ELAPOR2: variants seen among roughly 807,000 people sequenced by gnomAD.
The protein encoded by ELAPOR2 is endosome/lysosome-associated apoptosis and autophagy regulator family member 2.
A neutral mutation model predicts 120.7 loss-of-function variants in ELAPOR2; 89 were observed. That is an observed-to-expected ratio of 0.74 (90% confidence interval 0.62 to 0.88). The LOEUF (loss-of-function observed/expected upper bound fraction) is 0.88, where lower values mean the gene tolerates loss of function less well. Among genes scored for constraint, ELAPOR2 ranks in the 40% least tolerant of loss-of-function variants. The probability of loss-of-function intolerance (pLI) is 0.00; values close to 1 mark genes in which losing one functional copy is unlikely to be tolerated. For missense variants in ELAPOR2, 1,134 were observed against 1,251.6 expected, an observed-to-expected ratio of 0.91 and a Z score of 1.42; for synonymous variants, 444 against 444.9, an observed-to-expected ratio of 1.00 and a Z score of 0.03.
At chr7:86,903,972 G>A (rs1168541496) in intron 18 of ELAPOR2, among the ~76,000 whole-genome samples, 4 of 152,136 alleles carry the variant, frequency 2.6e-5, no homozygotes, top group Non-Finnish European at 5.9e-5. Context: ...AACTTAGTGT[G>A]CTTCTTTGCA....
chr7:86,977,087 C>T (rs1792307277), intron 1 of ELAPOR2, among the ~76,000 whole-genome samples: 1 of 152,176 alleles, frequency 6.6e-6, no homozygotes, highest in African/African-American at 2.4e-5. Flanking sequence ...TCTCAAATCT[C>T]AGTCAAGGTT....
intron 1 of ELAPOR2, among the ~76,000 whole-genome samples, chr7:87,059,071 G>T (rs1795351021): frequency 6.6e-6 from 1 of 151,756 alleles, no homozygotes; most frequent in Non-Finnish European, 1.5e-5. Context: ...AAAGGACGCC[G>T]CAAAGTCCTG....
At chr7:86,904,213 T>C (rs988320880) in intron 18 of ELAPOR2, among the ~76,000 whole-genome samples, 16 of 152,192 alleles carry the variant, frequency 1.1e-4, no homozygotes, top group African/African-American at 3.6e-4. Context: ...TTATCTGCTT[T>C]TTAATAAGGC....
At chr7:86,972,196 C>A (rs1293301409) in intron 1 of ELAPOR2, among the ~76,000 whole-genome samples, 3 of 152,170 alleles carry the variant, frequency 2.0e-5, no homozygotes, top group Non-Finnish European at 4.4e-5. Flanking sequence ...TTGGAACCAA[C>A]CAATCAAAGC....
At chr7:87,016,343 C>T (rs2116683768) in intron 1 of ELAPOR2, among the ~76,000 whole-genome samples, 1 of 151,826 alleles carries the variant, frequency 6.6e-6, no homozygotes, top group Admixed American at 6.6e-5. Flanking sequence ...GACAAGACTC[C>T]ATCTCAAAAA....
chr7:86,965,983 T>C (rs958441130), intron 1 of ELAPOR2: 1 of 984,420 alleles, frequency 1.0e-6, no homozygotes, highest in African/African-American at 1.7e-5. Flanking sequence ...CACACTTTGC[T>C]AACAATGACT....
intron 1 of ELAPOR2, among the ~76,000 whole-genome samples, chr7:86,969,317 C>A (rs1223531592): frequency 6.6e-6 from 1 of 152,026 alleles, no homozygotes; most frequent in East Asian, 1.9e-4. Context: ...AATCATCTCC[C>A]AATTCTCATA....
chr7:86,921,240 T>C (rs1789815692), intron 10 of ELAPOR2, among the ~76,000 whole-genome samples: 1 of 152,106 alleles, frequency 6.6e-6, no homozygotes, highest in South Asian at 2.1e-4. Flanking sequence ...GGACCTTATT[T>C]GGAAATAAAG....
At position 87,042,524 on chromosome 7, in the gene ELAPOR2, G is replaced by A. The variant is rs572562312; in HGVS notation, c.189+16801C>T. Among the ~76,000 whole-genome samples, 315 of 151,702 alleles carry A rather than the reference G, an allele frequency of 2.1e-3. 4 individuals are homozygous for A. Among genetic ancestry groups the A allele is most frequent in the African/African-American group, 7.2e-3 (296 of 41,168 alleles). On this transcript the variant is annotated intron_variant, in intron 1 of 21. Coordinates refer to ENST00000450689, the MANE Select transcript of ELAPOR2 (RefSeq NM_001142749.3). ...CCTGAATGACTACTGGGTACATAAC[G>A]AAATGAAGGCAGAAATAAAGATGTT...
intron 1 of ELAPOR2, among the ~76,000 whole-genome samples, chr7:86,980,193 A>G (rs981935629): frequency 2.0e-5 from 3 of 152,250 alleles, no homozygotes; most frequent in African/African-American, 4.8e-5. Flanking sequence ...AAACTCTGGT[A>G]CGTTTTAGAA....
At chr7:86,964,862 T>C in intron 2 of ELAPOR2, 42 bp downstream of exon 2, 1 of 1,549,034 alleles carries the variant, frequency 6.5e-7, no homozygotes, top group South Asian at 1.2e-5. Context: ...AAGAGGTAAT[T>C]GTTTAATCAA....
At chr7:86,917,998 G>C (rs1437687783) in intron 12 of ELAPOR2, among the ~76,000 whole-genome samples, 1 of 152,072 alleles carries the variant, frequency 6.6e-6, no homozygotes, top group Non-Finnish European at 1.5e-5. Context: ...CATGAGCATA[G>C]TACTCTTTTT....
chr7:86,958,914 T>G (rs1347009551), intron 2 of ELAPOR2, among the ~76,000 whole-genome samples: 1 of 152,184 alleles, frequency 6.6e-6, no homozygotes, highest in Non-Finnish European at 1.5e-5. Context: ...GTAGATGACT[T>G]TGAGTAGTAA....
Position 86,961,988 on chromosome 7 carries a change from G to T in ELAPOR2, c.310+2916C>A, listed in dbSNP as rs181869178. On this transcript the variant is annotated intron_variant, in intron 2 of 21. Transcript: ENST00000450689. Reference sequence around the variant, plus strand: ...AGCAGAGAGGACAAAAAGACAATGGGGATCAGTGTCAATTAACAACCAGAA... The same window carrying T: ...AGCAGAGAGGACAAAAAGACAATGGTGATCAGTGTCAATTAACAACCAGAA... Among the ~76,000 whole-genome samples, 501 of 152,128 alleles carry T rather than the reference G, an allele frequency of 3.3e-3. 1 individual carries two copies. The highest frequency in any genetic ancestry group is 0.014 in the Middle Eastern group (4 of 294).
intron 18 of ELAPOR2, among the ~76,000 whole-genome samples, chr7:86,903,884 T>C (rs1788840481): frequency 6.6e-6 from 1 of 152,214 alleles, no homozygotes; most frequent in Non-Finnish European, 1.5e-5. Context: ...TGAGGAAAGA[T>C]GACTCATTTA....
intron 1 of ELAPOR2, among the ~76,000 whole-genome samples, chr7:87,036,327 T>G (rs1253622553): frequency 6.6e-6 from 1 of 151,904 alleles, no homozygotes; most frequent in African/African-American, 2.4e-5. Flanking sequence ...ATAATAATAA[T>G]ACAAAAATTA....
intron 1 of ELAPOR2, among the ~76,000 whole-genome samples, chr7:87,017,279 T>A (rs1793900234): frequency 6.6e-6 from 1 of 152,228 alleles, no homozygotes; most frequent in South Asian, 2.1e-4. Flanking sequence ...AAGATTTTAC[T>A]ATCACATTGT....
In ELAPOR2 at chr7:86,894,252, C is replaced by T. The variant is rs146244725; in HGVS notation, c.2686-1152G>A. On this transcript the variant is annotated intron_variant, in intron 19 of 21. Transcript: ENST00000450689. ...GTACATTATAACTGAAACGTGTTTC[C>T]TAAACTTAGTGCAAATCAATTTCTT... Among the ~76,000 whole-genome samples, 344 of 152,032 alleles carry T rather than the reference C, an allele frequency of 2.3e-3. 1 individual carries two copies. Among genetic ancestry groups the T allele is most frequent in the African/African-American group, 7.7e-3 (319 of 41,482 alleles).
intron 1 of ELAPOR2, among the ~76,000 whole-genome samples, chr7:87,032,444 C>G (rs1744378416): frequency 6.6e-6 from 1 of 152,126 alleles, no homozygotes; most frequent in South Asian, 2.1e-4. Flanking sequence ...AATTACACAT[C>G]AATTTGTCCA....
Sources: allele counts gnomAD v4.1 joint callset (sites outside exome capture counted in the v4.1 genomes callset), GRCh38; gene constraint gnomAD v4.1.1; transcripts MANE v1.5; gene names NCBI Gene and HGNC (gene_info 2026-07-23, HGNC 2026-07-21).